The following MYT1L variants were observed in gnomAD, a reference collection of about 807,000 sequenced individuals.
The protein encoded by MYT1L is myelin transcription factor 1 like, also known as myelin transcription factor 1-like protein.
A neutral mutation model predicts 126.7 loss-of-function variants in MYT1L; 12 were observed. The ratio of observed to expected loss-of-function variants is 0.09; its 90% CI spans 0.06 to 0.15. The LOEUF (loss-of-function observed/expected upper bound fraction) is 0.15. Ranked by LOEUF, MYT1L falls within the 10% of genes least tolerant of loss-of-function variation. The pLI is 1.00. For synonymous variants in MYT1L, 541 were observed against 604.2 expected (o/e 0.90, Z 1.53); for missense variants, 979 against 1,585.2 (o/e 0.62, Z 6.49).
chr2:2,284,863 C>T (rs1298311254), intron 1 of MYT1L, among the ~76,000 whole-genome samples: 1 of 151,912 alleles, frequency 6.6e-6, no homozygotes, highest in African/African-American at 2.4e-5. Flanking sequence ...ACCACCATGC[C>T]CAGCTGATTT....
At chr2:2,082,348 TAA>T (rs2075927257) in intron 3 of MYT1L, among the ~76,000 whole-genome samples, 1 of 152,232 alleles carries the variant, frequency 6.6e-6, no homozygotes, top group Admixed American at 6.5e-5. Flanking sequence ...TTTAGTACCA[TAA>T]AAGTTAAGTC....
Position 2,228,944 on chromosome 2 carries a change from A to G in MYT1L, c.-421+55460T>C, listed in dbSNP as rs373087811. The stretch of plus-strand genomic sequence containing the variant: ...AGAAACACAAGCAGTAGAGAAGGAT[A>G]TGAAGTGAAACACGGGGGTCTTCCA... On this transcript the variant is annotated intron_variant, in intron 2 of 24. Transcript: ENST00000647738. This position sits in a 1 kb window ranked among gnomAD's most constrained non-coding sequence, Gnocchi z 5.9. Among the ~76,000 whole-genome samples the G allele has an allele frequency of 3.9e-5, 6 of 152,278 alleles. No homozygotes were observed. Among genetic ancestry groups the G allele is most frequent in the East Asian group, 1.9e-4 (1 of 5,160 alleles).
intron 2 of MYT1L, among the ~76,000 whole-genome samples, chr2:2,182,647 C>A (rs2091660508): frequency 6.6e-6 from 1 of 152,162 alleles, no homozygotes; most frequent in African/African-American, 2.4e-5. Flanking sequence ...CAAAGCACAG[C>A]ATGCGCTTTG....
rs1185695432 is a variant in MYT1L at position 1,887,348 on chromosome 2, G to A, written c.2642+140C>T. The A allele has an allele frequency of 1.2e-5, 13 of 1,102,384 alleles. No individual in the cohort carries two copies. The highest frequency in any genetic ancestry group is 1.3e-5 in the Non-Finnish European group (10 of 755,082). The allele number at this position is 1,102,384 out of a possible 1,614,324, so 68.3% of individuals were successfully genotyped here. A position where few individuals can be genotyped will look rare whatever the true frequency, so the allele number is the denominator to read the frequency against. ...TGCACGGTTAGCTGCTCACTCTACT[G>A]ACCCAGCAGTCGGAAACATTTATAT... On this transcript the variant is annotated intron_variant, in intron 17 of 24. Coordinates refer to ENST00000647738, the MANE Select transcript of MYT1L (RefSeq NM_001303052.2). The surrounding 1 kb of genome is among the most constrained non-coding windows in gnomAD (Gnocchi z 4.8).
rs563913437 is a variant in MYT1L at position 2,305,075 on chromosome 2, A to G, written c.-520-20572T>C. On this transcript the variant is annotated intron_variant, in intron 1 of 24. Coordinates refer to ENST00000647738, the MANE Select transcript of MYT1L (RefSeq NM_001303052.2). ...TATTTACTATATTGGGCTAAATAAA[A>G]CATTTTTTAAGTTTATTTTTTTGAT... Among the ~76,000 whole-genome samples, 5 of 152,364 alleles carry G rather than the reference A, an allele frequency of 3.3e-5. No individual in the cohort carries two copies. The South Asian group carries it at 1.0e-3, about 32-fold the overall frequency.
At position 1,791,922 on chromosome 2, in the gene MYT1L, T is replaced by A; in HGVS notation, c.3506A>T (p.Glu1169Val). Residue 1169 changes from glutamate to valine, a missense_variant, in exon 25 of 25, where the codon GAA (glutamate) becomes GTA (valine). This residue lies in a region of MYT1L where 179 missense variants were observed against 398.6 expected (regional missense o/e 0.45). Transcript: ENST00000647738. The surrounding 1 kb of genome is among the most constrained non-coding windows in gnomAD (Gnocchi z 6.0). ...TATATTTTCCAGTAGGGCTTTATTT[T>A]CTGGACTCTGATAACGATCTTGATT... is the stretch of plus-strand genomic sequence containing the variant. ...YTNQDRYQSP[E>V]NKALLENIKQ... is the part of the protein sequence containing the mutation. The A allele has an allele frequency of 6.2e-7, 1 of 1,612,076 alleles. No individual in the cohort carries two copies. Among genetic ancestry groups the A allele is most frequent in the Non-Finnish European group, 8.5e-7 (1 of 1,179,448 alleles).
At chr2:1,877,903 C>A (rs988403988) in intron 18 of MYT1L, among the ~76,000 whole-genome samples, 1 of 152,136 alleles carries the variant, frequency 6.6e-6, no homozygotes, top group Non-Finnish European at 1.5e-5. Flanking sequence ...CTTTTCTCTG[C>A]AGGTAGTGCT....
Position 2,284,665 on chromosome 2 carries a change from G to T in MYT1L, c.-520-162C>A, listed in dbSNP as rs2095492023. 6.6e-5 allele frequency among the ~76,000 whole-genome samples: 10 copies of T among 152,180 alleles called. No homozygotes were observed. In the South Asian group the frequency reaches 2.1e-3, roughly 32 times the overall value. ...ACTTGCTGAAATTTATCTAAGGAGG[G>T]GTCTTGGAGTTAGACACTCCTACTG... On this transcript the variant is annotated intron_variant, in intron 1 of 24. Coordinates refer to ENST00000647738, the MANE Select transcript of MYT1L (RefSeq NM_001303052.2).
intron 3 of MYT1L, among the ~76,000 whole-genome samples, chr2:2,106,985 G>A (rs895976888): frequency 2.6e-5 from 4 of 152,122 alleles, no homozygotes; most frequent in African/African-American, 9.7e-5. Flanking sequence ...TGTGGCTTTC[G>A]TGGGGTTAGT....
chr2:1,839,887 C>T (rs894465030), intron 20 of MYT1L, among the ~76,000 whole-genome samples: 3 of 152,190 alleles, frequency 2.0e-5, no homozygotes. Flanking sequence ...TCCTAAGCTG[C>T]AGAGACGTCT....
intron 18 of MYT1L, among the ~76,000 whole-genome samples, chr2:1,853,841 C>G (rs1272844977): frequency 2.0e-5 from 3 of 152,082 alleles, no homozygotes; most frequent in Non-Finnish European, 4.4e-5. Context: ...GATATTATAG[C>G]CAAATAATTC....
intron 2 of MYT1L, among the ~76,000 whole-genome samples, chr2:2,200,871 C>A (rs1365055165): frequency 1.3e-5 from 2 of 152,152 alleles, no homozygotes; most frequent in Non-Finnish European, 2.9e-5. Flanking sequence ...AGCAAATGCG[C>A]CTGGGAGTGC....
intron 4 of MYT1L, among the ~76,000 whole-genome samples, chr2:2,019,161 C>A (rs552198580): frequency 6.6e-6 from 1 of 152,228 alleles, no homozygotes; most frequent in Non-Finnish European, 1.5e-5. Context: ...TCTCATAATT[C>A]TCATGTGTTG....
chr2:1,813,786 G>C (rs932131659), intron 21 of MYT1L, among the ~76,000 whole-genome samples: 1 of 150,108 alleles, frequency 6.7e-6, no homozygotes, highest in Non-Finnish European at 1.5e-5. Context: ...CCAGCACTTT[G>C]GGAGGCCGAG....
intron 10 of MYT1L, among the ~76,000 whole-genome samples, chr2:1,920,105 C>G (rs966636428): frequency 6.6e-6 from 1 of 152,146 alleles, no homozygotes; most frequent in Non-Finnish European, 1.5e-5. Flanking sequence ...CGGAAATGAG[C>G]TTTGGTCAGA....
chr2:2,071,259 T>C (rs2074562252), intron 3 of MYT1L, among the ~76,000 whole-genome samples: 3 of 152,250 alleles, frequency 2.0e-5, no homozygotes, highest in African/African-American at 7.2e-5. Flanking sequence ...TAATATGAGC[T>C]ACTGGTTAAT....
rs1253665380 is a variant in MYT1L at position 1,892,051 on chromosome 2, G to C, written c.2269C>G (p.Leu757Val). ...GGCGCGCGTACCCGCGTGGCGCACA[G>C]GTCCTGCGGCTTGGTGCTCAGGTTC... ...PQNLSTKPQD[L>V]CATRNPDMEV... The change falls in exon 15 of 25, where the codon CTG (leucine) becomes GTG (valine). Residue 757 changes from leucine (L) to valine (V), a missense_variant. By Grantham distance (32) the Leu-to-Val change is conservative. Transcript: ENST00000647738. The C allele has an allele frequency of 7.8e-6, 12 of 1,536,186 alleles. No homozygotes were observed. In the South Asian group the frequency reaches 8.3e-5, roughly 11 times the overall value.
chr2:2,273,978 T>TTCAAATGAATATAGAGAAC (rs1174883058), intron 2 of MYT1L, among the ~76,000 whole-genome samples: 1 of 152,184 alleles, frequency 6.6e-6, no homozygotes, highest in Non-Finnish European at 1.5e-5. Context: ...TGAAATACTT[T>TTCAAATGAATATAGAGAAC]TCAAATGAAT....
At chr2:2,286,929 A>G (rs2095529630) in intron 1 of MYT1L, among the ~76,000 whole-genome samples, 2 of 152,214 alleles carry the variant, frequency 1.3e-5, no homozygotes, top group African/African-American at 4.8e-5. Context: ...TTCTGTTATC[A>G]TCACCTGAGA....
Sources: allele counts gnomAD v4.1 joint callset (sites outside exome capture counted in the v4.1 genomes callset), GRCh38; gene constraint gnomAD v4.1.1; regional missense constraint gnomAD v4.1.1; non-coding constraint Gnocchi (gnomAD v3.1); transcripts MANE v1.5; gene names NCBI Gene and HGNC (gene_info 2026-07-23, HGNC 2026-07-21).